The following UNC5C variants were observed in gnomAD, a reference collection of about 807,000 sequenced individuals.
UNC5C encodes netrin receptor UNC5C.
Under a neutral mutation model 99.8 loss-of-function variants are expected in UNC5C, and 47 were observed. The observed-to-expected ratio is 0.47, with a 90% confidence interval of 0.37 to 0.60. The LOEUF is 0.60. Ranked by LOEUF, UNC5C falls within the 20% of genes least tolerant of loss-of-function variation. UNC5C has a pLI of 0.00. For missense variants in UNC5C, 1,062 were observed against 1,165.9 expected (o/e 0.91, Z 1.30); for synonymous variants, 487 against 452.2 (o/e 1.08, Z -0.98).
At chr4:95,411,942 T>C (rs1252894830) in intron 1 of UNC5C, among the ~76,000 whole-genome samples, 2 of 151,732 alleles carry the variant, frequency 1.3e-5, no homozygotes, top group African/African-American at 2.4e-5. Flanking sequence ...TGGCCTCTTG[T>C]CATCACTCTC....
At chr4:95,534,751 CAT>C (rs1722732881) in intron 1 of UNC5C, among the ~76,000 whole-genome samples, 1 of 151,952 alleles carries the variant, frequency 6.6e-6, no homozygotes, top group African/African-American at 2.4e-5. Flanking sequence ...TCAGTCAAAA[CAT>C]ATATATTTAA....
chr4:95,238,181 T>G (rs568019756), intron 7 of UNC5C, among the ~76,000 whole-genome samples: 1 of 152,300 alleles, frequency 6.6e-6, no homozygotes, highest in Non-Finnish European at 1.5e-5. Flanking sequence ...TTTCTACAAT[T>G]TTGGATTTCC....
intron 2 of UNC5C, among the ~76,000 whole-genome samples, chr4:95,315,950 G>A (rs180701279): frequency 1.6e-4 from 24 of 152,048 alleles, no homozygotes; most frequent in Admixed American, 5.9e-4. Flanking sequence ...CTTCCAAGTT[G>A]GAATGCATTT....
chr4:95,539,515 C>G (rs1191326248), intron 1 of UNC5C, among the ~76,000 whole-genome samples: 10 of 152,156 alleles, frequency 6.6e-5, no homozygotes. Flanking sequence ...AAGTCCTTGA[C>G]TATCTTTATG....
intron 1 of UNC5C, among the ~76,000 whole-genome samples, chr4:95,389,176 A>T (rs1745288832): frequency 6.6e-6 from 1 of 152,194 alleles, no homozygotes; most frequent in Admixed American, 6.5e-5. Context: ...AGCAGGGCAC[A>T]TGGTTATACA....
intron 1 of UNC5C, among the ~76,000 whole-genome samples, chr4:95,482,177 A>C (rs1319164041): frequency 2.4e-4 from 37 of 151,570 alleles, no homozygotes; most frequent in Non-Finnish European, 4.9e-4. Context: ...AAACAAACAA[A>C]CCCATCAAAA....
intron 1 of UNC5C, among the ~76,000 whole-genome samples, chr4:95,547,596 C>G (rs1380331813): frequency 6.6e-6 from 1 of 152,216 alleles, no homozygotes; most frequent in African/African-American, 2.4e-5. Context: ...TCTCCTCTTC[C>G]AGGAAAAGCT....
chr4:95,197,606 C>T (rs1991947), intron 12 of UNC5C, among the ~76,000 whole-genome samples: 115,271 of 151,964 alleles, frequency 0.76, 44,083 homozygotes, highest in Middle Eastern at 0.89. Context: ...AGGCAAGATG[C>T]GGGCTTTAAA....
intron 1 of UNC5C, among the ~76,000 whole-genome samples, chr4:95,457,875 A>G (rs1747488738): frequency 6.6e-6 from 1 of 152,102 alleles, no homozygotes; most frequent in African/African-American, 2.4e-5. Context: ...TGAACGTCGG[A>G]TGAGATGGCA....
intron 1 of UNC5C, among the ~76,000 whole-genome samples, chr4:95,377,115 G>A (rs1215593449): frequency 2.0e-5 from 3 of 152,156 alleles, no homozygotes; most frequent in Non-Finnish European, 4.4e-5. Context: ...ATAGCACTGA[G>A]GGAAAAGAAA....
intron 7 of UNC5C, among the ~76,000 whole-genome samples, chr4:95,236,771 T>C (rs907742005): frequency 6.6e-6 from 1 of 152,170 alleles, no homozygotes; most frequent in Non-Finnish European, 1.5e-5. Context: ...TAAAACCTCA[T>C]AAATATTTTA....
intron 1 of UNC5C, among the ~76,000 whole-genome samples, chr4:95,398,056 T>TTTTTTTTTTTTTTTTC (rs1745574197): frequency 6.7e-6 from 1 of 149,324 alleles, no homozygotes; most frequent in African/African-American, 2.5e-5. Context: ...TTTTTTTTTT[T>TTTTTTTTTTTTTTTTC]TTTTTTTGCT....
chr4:95,219,455 A>G (rs72672772), intron 8 of UNC5C, 142 bp from the exon 9 acceptor site: 30,575 of 747,380 alleles, frequency 0.041, 781 homozygotes, highest in South Asian at 0.073. Context: ...CTCTACTGAA[A>G]ACAGGGCAAT....
chr4:95,285,271 G>A (rs1741193443), intron 3 of UNC5C, among the ~76,000 whole-genome samples: 1 of 152,050 alleles, frequency 6.6e-6, no homozygotes, highest in Non-Finnish European at 1.5e-5. Flanking sequence ...ATATTATGAA[G>A]CAAGTAATTC....
rs536881777 is a variant in UNC5C at position 95,228,756 on chromosome 4, C to T, written c.1109-8580G>A. Among the ~76,000 whole-genome samples the T allele has an allele frequency of 2.0e-5, 3 of 152,296 alleles. No individual in the cohort carries two copies. The South Asian group carries it at 6.2e-4, about 32-fold the overall frequency. ...GTAATTTGGTGATTGCATGAGATAA[C>T]CCTGCTGATTTGGACTGTAAAATAT... On this transcript the variant is annotated intron_variant, in intron 7 of 15. Coordinates refer to ENST00000453304, the MANE Select transcript of UNC5C (RefSeq NM_003728.4).
chr4:95,493,806 C>A (rs1338371477), intron 1 of UNC5C, among the ~76,000 whole-genome samples: 4 of 151,242 alleles, frequency 2.6e-5, no homozygotes, highest in African/African-American at 4.8e-5. Context: ...CAAAAGACAG[C>A]GGACTGATCA....
At chr4:95,230,305 TA>T (rs1488824101) in intron 7 of UNC5C, among the ~76,000 whole-genome samples, 1 of 152,200 alleles carries the variant, frequency 6.6e-6, no homozygotes, top group African/African-American at 2.4e-5. Flanking sequence ...TTTTTTCTTA[TA>T]AATTTGTTTA....
Position 95,342,034 on chromosome 4 carries a change from T to A in UNC5C, c.125-6403A>T, listed in dbSNP as rs138714523. 1.4e-3 allele frequency among the ~76,000 whole-genome samples: 208 copies of A among 152,242 alleles called. 1 individual carries two copies. Among genetic ancestry groups the A allele is most frequent in the African/African-American group, 4.8e-3 (198 of 41,562 alleles). On this transcript the variant is annotated intron_variant, in intron 1 of 15. Coordinates refer to ENST00000453304, the MANE Select transcript of UNC5C (RefSeq NM_003728.4). ...TGCGTTCTATTAAGCCTTGCCACCATGGGCTAAGGGCTGTAAGGTCCTAAA... is the reference window on the plus strand; with the variant it reads ...TGCGTTCTATTAAGCCTTGCCACCAAGGGCTAAGGGCTGTAAGGTCCTAAA...
chr4:95,526,653 T>C (rs1254840978), intron 1 of UNC5C, among the ~76,000 whole-genome samples: 1 of 151,800 alleles, frequency 6.6e-6, no homozygotes, highest in African/African-American at 2.4e-5. Context: ...ATTTAAATAA[T>C]CACCACAAAA....
Sources: allele counts gnomAD v4.1 joint callset (sites outside exome capture counted in the v4.1 genomes callset), GRCh38; gene constraint gnomAD v4.1.1; transcripts MANE v1.5; gene names NCBI Gene and HGNC (gene_info 2026-07-23, HGNC 2026-07-21).